The following CHRNA6 variants were observed in gnomAD, a reference collection of about 807,000 sequenced individuals.
CHRNA6 encodes the protein neuronal acetylcholine receptor subunit alpha-6.
A neutral mutation model predicts 40.9 loss-of-function variants in CHRNA6; 31 were observed. The ratio of observed to expected loss-of-function variants is 0.76; its 90% CI spans 0.57 to 1.02. The LOEUF is 1.02. Ranked by LOEUF, CHRNA6 falls within the 50% of genes least tolerant of loss-of-function variation. The pLI, the probability that CHRNA6 is intolerant of heterozygous loss-of-function variation, is 0.00. For synonymous variants in CHRNA6, 222 were observed against 221.3 expected (o/e 1.00, Z -0.03); for missense variants, 546 against 596.6 (o/e 0.92, Z 0.88).
At position 42,752,800 on chromosome 8, in the gene CHRNA6, C is replaced by A. The variant is rs201700109; in HGVS notation, c.*379G>T. On this transcript the variant is annotated 3_prime_UTR_variant, in exon 6 of 6. Coordinates refer to ENST00000276410, the MANE Select transcript of CHRNA6 (RefSeq NM_004198.3). ...AGTTCACCTGTCACATGTCATAATA[C>A]TGAGAAACAGCATCCACTGGAGGTA... The A allele has an allele frequency of 3.3e-5, 6 of 179,568 alleles. No homozygotes were observed. The highest frequency in any genetic ancestry group is 6.9e-5 in the Non-Finnish European group (6 of 86,514). The allele number at this position is 179,568 out of a possible 1,614,324, so 11.1% of individuals were successfully genotyped here. A position where few individuals can be genotyped will look rare whatever the true frequency, so the allele number is the denominator to read the frequency against.
At chr8:42,753,357 A>G (rs1445452515) in intron 5 of CHRNA6, 47 bp from the exon 6 acceptor site, 3 of 1,528,718 alleles carry the variant, frequency 2.0e-6, no homozygotes, top group East Asian at 2.3e-5. Flanking sequence ...AACCAAAACC[A>G]TAAGAAACAT....
chr8:42,764,036 C>T (rs1816939456), intron 2 of CHRNA6, among the ~76,000 whole-genome samples: 1 of 152,164 alleles, frequency 6.6e-6, no homozygotes, highest in Non-Finnish European at 1.5e-5. Context: ...CTCAGGAATG[C>T]TCTAGCGCCC....
intron 1 of CHRNA6, among the ~76,000 whole-genome samples, chr8:42,767,964 A>G (rs909488179): frequency 1.2e-4 from 19 of 152,226 alleles, no homozygotes; most frequent in African/African-American, 4.3e-4. Flanking sequence ...TACCTACAAA[A>G]TGGAAGGGTT....
intron 5 of CHRNA6, among the ~76,000 whole-genome samples, 174 bp from the exon 6 acceptor site, chr8:42,753,484 G>T (rs1816752251): frequency 6.6e-6 from 1 of 152,080 alleles, no homozygotes; most frequent in Admixed American, 6.6e-5. Flanking sequence ...GACCAGCCTG[G>T]GCAACATGGT....
At chr8:42,754,502 TC>T (rs1816763765) in intron 5 of CHRNA6, among the ~76,000 whole-genome samples, 1 of 152,022 alleles carries the variant, frequency 6.6e-6, no homozygotes, top group African/African-American at 2.4e-5. Context: ...AGAGAGAGGG[TC>T]TTCTTTTAAA....
At position 42,756,728 on chromosome 8, in the gene CHRNA6, G is replaced by T. The variant is rs749422210; in HGVS notation, c.471C>A (p.Ser157=). The T allele has an allele frequency of 6.2e-7, 1 of 1,613,986 alleles. No homozygotes were observed. Among genetic ancestry groups the T allele is most frequent in the Non-Finnish European group, 8.5e-7 (1 of 1,180,020 alleles). Residue 157 remains serine (S), a synonymous_variant, in exon 5 of 6, where the codon TCC becomes TCA. Transcript: ENST00000276410. ...GGAAAAAGGTGATATCCATAGGGCAGGAACTCTTAAAAATAGCTGGTGGAG... is the reference window on the plus strand; with the variant it reads ...GGAAAAAGGTGATATCCATAGGGCATGAACTCTTAAAAATAGCTGGTGGAG... ...TWTPPAIFKS[S]CPMDITFFPF... is the part of the protein sequence containing the mutation.
intron 2 of CHRNA6, among the ~76,000 whole-genome samples, chr8:42,760,406 G>A (rs529379689): frequency 6.6e-6 from 1 of 150,992 alleles, no homozygotes; most frequent in South Asian, 2.1e-4. Flanking sequence ...ATACACATTC[G>A]TACTCTTATA....
intron 2 of CHRNA6, among the ~76,000 whole-genome samples, chr8:42,760,080 T>C (rs1284101289): frequency 2.0e-5 from 3 of 152,236 alleles, no homozygotes; most frequent in African/African-American, 4.8e-5. Flanking sequence ...CCTGCCTTCA[T>C]GTGTCTTAGC....
Position 42,756,347 on chromosome 8 carries a change from C to T in CHRNA6, c.852G>A (p.Val284=), listed in dbSNP as rs1816799134. Residue 284 remains valine, a synonymous_variant, in exon 5 of 6, where the codon GTG becomes GTA. Transcript: ENST00000276410. ...LCISVLLSLT[V]FLLVITETIP... ...TGGTTTCTGTGATGACCAGCAAAAA[C>T]ACAGTCAGAGAAAGCAGGACTGAAA... 1 of 1,614,110 alleles carries T rather than the reference C, an allele frequency of 6.2e-7. No individual in the cohort carries two copies. The highest frequency in any genetic ancestry group is 1.3e-5 in the African/African-American group (1 of 74,940).
rs755568911 is a variant in CHRNA6 at position 42,755,884 on chromosome 8, T to C, written c.1315A>G (p.Ile439Val). The C allele has an allele frequency of 7.4e-6, 12 of 1,614,098 alleles. No homozygotes were observed. Among genetic ancestry groups the C allele is most frequent in the Admixed American group, 1.7e-5 (1 of 60,008 alleles). ...TTGTGGCTCTTCATGTTTTCTGCTA[T>C]GAACTGAACACTGTTAATCACATCT... ...VEDVINSVQF[I>V]AENMKSHNET... Residue 439 changes from isoleucine (I) to valine (V), a missense_variant, in exon 5 of 6, where the codon ATA (isoleucine) becomes GTA (valine). Physicochemically the swap from Ile to Val is conservative, Grantham distance 29 (BLOSUM62 3). This residue lies in a region of CHRNA6 where 65 missense variants were observed against 83.8 expected (regional missense o/e 0.78). Coordinates refer to ENST00000276410, the MANE Select transcript of CHRNA6 (RefSeq NM_004198.3).
intron 3 of CHRNA6, among the ~76,000 whole-genome samples, chr8:42,757,771 C>T (rs1476239733): frequency 1.3e-5 from 2 of 149,092 alleles, no homozygotes; most frequent in Admixed American, 6.8e-5. Context: ...CGATGGCTCA[C>T]GCCTGTAATC....
At chr8:42,766,847 A>G (rs1486344915) in intron 1 of CHRNA6, among the ~76,000 whole-genome samples, 1 of 152,234 alleles carries the variant, frequency 6.6e-6, no homozygotes, top group Non-Finnish European at 1.5e-5. Context: ...TACCTATGTA[A>G]CAAAGCTGCA....
At chr8:42,763,483 C>G (rs1394346917) in intron 2 of CHRNA6, among the ~76,000 whole-genome samples, 3 of 152,160 alleles carry the variant, frequency 2.0e-5, no homozygotes, top group Non-Finnish European at 4.4e-5. Flanking sequence ...ATTTACCAGC[C>G]CTTTCACCCC....
chr8:42,766,676 G>A (rs1325341825), intron 1 of CHRNA6, among the ~76,000 whole-genome samples: 3 of 152,112 alleles, frequency 2.0e-5, no homozygotes, highest in African/African-American at 7.2e-5. Context: ...CTTGAAACGG[G>A]GAGCTGAACA....
In CHRNA6 at chr8:42,758,451, A is replaced by C. The variant is rs182863251; in HGVS notation, c.264+618T>G. Among the ~76,000 whole-genome samples, 819 of 151,698 alleles carry C rather than the reference A, an allele frequency of 5.4e-3. 6 individuals are homozygous for C. Among genetic ancestry groups the C allele is most frequent in the African/African-American group, 0.019 (780 of 41,282 alleles). On this transcript the variant is annotated intron_variant, in intron 3 of 5. Transcript: ENST00000276410. ...TCTCAGCTCACTGCAACCTCTGCCT[A>C]CTGGTTCAAGCGATTCTCCTGCCTC... is the stretch of plus-strand genomic sequence containing the variant.
chr8:42,760,483 C>T (rs1050979590), intron 2 of CHRNA6, among the ~76,000 whole-genome samples: 1 of 151,178 alleles, frequency 6.6e-6, no homozygotes, highest in Non-Finnish European at 1.5e-5. Context: ...GGTGCATACT[C>T]ACTCATGCAC....
chr8:42,755,390 C>T (rs1297119532), intron 5 of CHRNA6, among the ~76,000 whole-genome samples: 1 of 152,106 alleles, frequency 6.6e-6, no homozygotes, highest in Non-Finnish European at 1.5e-5. Flanking sequence ...GATTCTCCTG[C>T]CTCAACCTCC....
intron 5 of CHRNA6, among the ~76,000 whole-genome samples, chr8:42,754,694 T>C (rs1208853530): frequency 6.6e-6 from 1 of 152,126 alleles, no homozygotes; most frequent in Non-Finnish European, 1.5e-5. Flanking sequence ...CAGGCCTGAG[T>C]TTCAGATGCC....
intron 3 of CHRNA6, 77 bp downstream of exon 3, chr8:42,758,992 T>C: frequency 1.8e-6 from 2 of 1,089,340 alleles, no homozygotes; most frequent in Non-Finnish European, 2.8e-6. Context: ...TATAACCAGT[T>C]GGAGATGGAA....
Sources: allele counts gnomAD v4.1 joint callset (sites outside exome capture counted in the v4.1 genomes callset), GRCh38; gene constraint gnomAD v4.1.1; regional missense constraint gnomAD v4.1.1; transcripts MANE v1.5; gene names NCBI Gene and HGNC (gene_info 2026-07-23, HGNC 2026-07-21).